ANPEP: variants seen among roughly 807,000 people sequenced by gnomAD.
ANPEP encodes alanyl aminopeptidase, membrane.
ANPEP carries 70 observed loss-of-function variants against 114.6 expected under a neutral mutation model. The ratio of observed to expected loss-of-function variants is 0.61; its 90% CI spans 0.50 to 0.75. The LOEUF (loss-of-function observed/expected upper bound fraction) is 0.75. ANPEP is among the 30% of genes least tolerant of loss of function. The pLI is 0.00. For missense variants in ANPEP, 1,184 were observed against 1,259.5 expected (o/e 0.94, Z 0.91); for synonymous variants, 548 against 522.3 (o/e 1.05, Z -0.67).
chr15:89,785,290 C>A lies in ANPEP; in HGVS notation c.*59G>T, dbSNP rs1968485096. On this transcript the variant is annotated 3_prime_UTR_variant, in exon 21 of 21. Coordinates refer to ENST00000300060, the MANE Select transcript of ANPEP (RefSeq NM_001150.3). ...AGGAATGGAGGCCCTGCACCAGCCG[C>A]TGGGATGGACACATGTGGGCACCTT... 1 of 1,602,682 alleles carries A rather than the reference C, an allele frequency of 6.2e-7. No individual in the cohort carries two copies. Among genetic ancestry groups the A allele is most frequent in the African/African-American group, 1.3e-5 (1 of 74,684 alleles).
intron 1 of ANPEP, among the ~76,000 whole-genome samples, chr15:89,812,757 G>A (rs576623480): frequency 1.3e-5 from 2 of 152,068 alleles, no homozygotes; most frequent in Non-Finnish European, 2.9e-5. Context: ...GCACAGAAAG[G>A]TTAAGTGATT....
chr15:89,806,667 G>C lies in ANPEP; in HGVS notation c.-84C>G. ...CAGGCCGGGCTTATATCCCCAAAGG[G>C]GAGGAGCCCCACAACAGGCAGACTG... On this transcript the variant is annotated 5_prime_UTR_variant, in exon 2 of 21. Coordinates refer to ENST00000300060, the MANE Select transcript of ANPEP (RefSeq NM_001150.3). The surrounding 1 kb of genome is among the most constrained non-coding windows in gnomAD (Gnocchi z 5.7). The C allele has an allele frequency of 1.4e-6, 2 of 1,455,746 alleles. No individual in the cohort carries two copies. The highest frequency in any genetic ancestry group is 1.5e-5 in the South Asian group (1 of 68,582). 90.2% of individuals were successfully genotyped at this position (1,455,746 alleles called of 1,614,324 possible).
At chr15:89,790,645 G>A in intron 19 of ANPEP, 104 bp from the exon 20 acceptor site, 1 of 1,068,440 alleles carries the variant, frequency 9.4e-7, no homozygotes, top group Non-Finnish European at 1.4e-6. Flanking sequence ...GAGATGAAAT[G>A]ACACGCCCTG....
At position 89,785,431 on chromosome 15, in the gene ANPEP, A is replaced by G; in HGVS notation, c.2822T>C (p.Leu941Pro). The change falls in exon 21 of 21, where the codon CTG becomes CCG. Residue 941 changes from leucine to proline, a missense_variant. Leu to Pro is a moderately conservative substitution (Grantham distance 98). Transcript: ENST00000300060. ...GSGTRALEQA[L>P]EKTKANIKWV... ...CTTGATGTTGGCTTTCGTCTTCTCC[A>G]GGGCTTGCTCCAGGGCCCGGGTGCC... 6.2e-7 allele frequency: 1 copy of G among 1,614,148 alleles called. No individual in the cohort carries two copies. Among genetic ancestry groups the G allele is most frequent in the Non-Finnish European group, 8.5e-7 (1 of 1,179,982 alleles).
chr15:89,811,728 G>A (rs1318616010), intron 1 of ANPEP, among the ~76,000 whole-genome samples: 1 of 151,796 alleles, frequency 6.6e-6, no homozygotes, highest in Non-Finnish European at 1.5e-5. Flanking sequence ...AGTTGCACCC[G>A]CTTTGGGAAC....
chr15:89,803,625 C>A lies in ANPEP; in HGVS notation c.1437+22G>T, dbSNP rs780923674. 49 of 1,605,740 alleles carry A rather than the reference C, an allele frequency of 3.1e-5. No individual in the cohort carries two copies. In the African/African-American group the frequency reaches 5.6e-4, roughly 18 times the overall value. On this transcript the variant is annotated intron_variant, in intron 8 of 20. Coordinates refer to ENST00000300060, the MANE Select transcript of ANPEP (RefSeq NM_001150.3). This position sits in a 1 kb window ranked among gnomAD's most constrained non-coding sequence, Gnocchi z 4.2. ...CCAAGTCCCCACCTCCTTCCCCGTGCCCCACGAGGAGCGGGCTGCACCTTG... is the reference window on the plus strand; with the variant it reads ...CCAAGTCCCCACCTCCTTCCCCGTGACCCACGAGGAGCGGGCTGCACCTTG...
At position 89,799,497 on chromosome 15, in the gene ANPEP, C is replaced by T. The variant is rs1178097724; in HGVS notation, c.1882G>A (p.Gly628Ser). The change falls in exon 13 of 21, where the codon GGC becomes AGC. Residue 628 changes from glycine (G) to serine (S), a missense_variant. By Grantham distance (56) the Gly-to-Ser change is moderately conservative. Transcript: ENST00000300060. This position sits in a 1 kb window ranked among gnomAD's most constrained non-coding sequence, Gnocchi z 4.2. ...EWVLLNLNVT[G>S]YYRVNYDEEN... ...TCGTCGTAGTTCACCCGGTAATAGC[C>T]CGTCACATTGAGGTTCAGCAGGACC... is the stretch of plus-strand genomic sequence containing the variant. 2.5e-6 allele frequency: 4 copies of T among 1,614,062 alleles called. No individual in the cohort carries two copies. The African/African-American group carries it at 5.3e-5, about 22-fold the overall frequency.
Position 89,799,421 on chromosome 15 carries a change from C to G in ANPEP, c.1953+5G>C. On this transcript the variant is annotated splice_donor_5th_base_variant and intron_variant, in intron 13 of 20. Coordinates refer to ENST00000300060, the MANE Select transcript of ANPEP (RefSeq NM_001150.3). The surrounding 1 kb of genome is among the most constrained non-coding windows in gnomAD (Gnocchi z 4.2). ...GGGGCAGGGCGAGGGGTGGCAGACA[C>G]TCACCGAGTGGTCTCTCTGCAGCTG... 1 of 1,614,168 alleles carries G rather than the reference C, an allele frequency of 6.2e-7. No homozygotes were observed. Among genetic ancestry groups the G allele is most frequent in the Non-Finnish European group, 8.5e-7 (1 of 1,180,022 alleles).
At chr15:89,812,375 CTG>C (rs1275981897) in intron 1 of ANPEP, among the ~76,000 whole-genome samples, 1 of 152,250 alleles carries the variant, frequency 6.6e-6, no homozygotes, top group Non-Finnish European at 1.5e-5. Context: ...AGGGCACACT[CTG>C]TCCCCGCAGG....
intron 1 of ANPEP, among the ~76,000 whole-genome samples, chr15:89,808,517 C>T (rs905368689): frequency 6.6e-6 from 1 of 152,198 alleles, no homozygotes; most frequent in Non-Finnish European, 1.5e-5. Context: ...CGCACATGCA[C>T]GAAGGATTGA....
chr15:89,806,136 T>C lies in ANPEP; in HGVS notation c.448A>G (p.Ile150Val), dbSNP rs1216902191. The C allele has an allele frequency of 6.2e-7, 1 of 1,614,084 alleles. No homozygotes were observed. ...RGVGGSQPPD[I>V]DKTELVEPTE... Reference sequence around the variant, plus strand: ...GGCTCCACCAGCTCAGTCTTGTCAATGTCGGGGGGCTGGGAGCCTCCCACA... The same window carrying C: ...GGCTCCACCAGCTCAGTCTTGTCAACGTCGGGGGGCTGGGAGCCTCCCACA... The change falls in exon 2 of 21, where the codon ATT becomes GTT. Residue 150 changes from isoleucine to valine, a missense_variant. Transcript: ENST00000300060. This position sits in a 1 kb window ranked among gnomAD's most constrained non-coding sequence, Gnocchi z 5.7.
At chr15:89,814,003 G>T (rs1596174797) in intron 1 of ANPEP, among the ~76,000 whole-genome samples, 1 of 149,298 alleles carries the variant, frequency 6.7e-6, no homozygotes, top group Non-Finnish European at 1.5e-5. Context: ...GGGGGGGGGG[G>T]TGCGTTCTGG....
intron 18 of ANPEP, 47 bp downstream of exon 18, chr15:89,792,113 C>G: frequency 6.3e-7 from 1 of 1,582,914 alleles, no homozygotes. Flanking sequence ...CCTGGTTCTC[C>G]AGGTGGGGAG....
At chr15:89,807,880 C>G (rs904053569) in intron 1 of ANPEP, among the ~76,000 whole-genome samples, 5 of 152,142 alleles carry the variant, frequency 3.3e-5, no homozygotes, top group African/African-American at 1.2e-4. Context: ...TCGACACCGC[C>G]TGACCTCACT....
chr15:89,806,336 T>A lies in ANPEP; in HGVS notation c.248A>T (p.Asp83Val), dbSNP rs781630796. 1 of 1,614,120 alleles carries A rather than the reference T, an allele frequency of 6.2e-7. No homozygotes were observed. The change falls in exon 2 of 21, where the codon GAT becomes GTT. Residue 83 changes from aspartate (D) to valine (V), a missense_variant. Physicochemically the swap from Asp to Val is radical, Grantham distance 152. Transcript: ENST00000300060. The surrounding 1 kb of genome is among the most constrained non-coding windows in gnomAD (Gnocchi z 5.7). ...CGGTCTCAGCGTCACCCGGTAGGAA[T>A]CGGGTTTCAGCGTGTTGGGGAGGCG... ...RYRLPNTLKP[D>V]SYRVTLRPYL...
Position 89,797,705 on chromosome 15 carries a change from A to T in ANPEP, c.2027T>A (p.Val676Asp). The change falls in exon 15 of 21, where the codon GTC becomes GAC. Residue 676 changes from valine to aspartate, a missense_variant. Transcript: ENST00000300060. ...FNLASAHKVPVTLALNNTLFL... is the reference protein window; with the variant it reads ...FNLASAHKVPDTLALNNTLFL... ...GAGGGTGTTGTTCAGCGCCAGAGTG[A>T]CAGGGACCTTATGGGCACTGGGAAT... The T allele has an allele frequency of 1.2e-6, 2 of 1,614,132 alleles. No individual in the cohort carries two copies. Among genetic ancestry groups the T allele is most frequent in the Non-Finnish European group, 1.7e-6 (2 of 1,180,018 alleles).
At chr15:89,813,575 C>G (rs867434886) in intron 1 of ANPEP, among the ~76,000 whole-genome samples, 1 of 152,106 alleles carries the variant, frequency 6.6e-6, no homozygotes, top group South Asian at 2.1e-4. Flanking sequence ...GCCTCATGGG[C>G]CCAGCACACC....
rs771343143 is a variant in ANPEP at position 89,803,743 on chromosome 15, A to G, written c.1341T>C (p.Asp447=). ...ACAGCGGGTGGGAGGAGGCCAGTGCATCCACTGCCATCACGCGGTACACAT... is the reference window on the plus strand; with the variant it reads ...ACAGCGGGTGGGAGGAGGCCAGTGCGTCCACTGCCATCACGCGGTACACAT... ...LNDVYRVMAV[D]ALASSHPLST... is the part of the protein sequence containing the mutation. The change falls in exon 8 of 21, where the codon GAT becomes GAC. Residue 447 remains aspartate, a synonymous_variant. Transcript: ENST00000300060. The surrounding 1 kb of genome is among the most constrained non-coding windows in gnomAD (Gnocchi z 4.2). 2.5e-6 allele frequency: 4 copies of G among 1,611,222 alleles called. No individual in the cohort carries two copies. The East Asian group carries it at 8.9e-5, about 36-fold the overall frequency.
chr15:89,804,153 C>G (rs188149224), intron 6 of ANPEP, 100 bp downstream of exon 6: 26 of 1,575,924 alleles, frequency 1.6e-5, no homozygotes, highest in Admixed American at 3.4e-5. Context: ...CAGGCGGCAC[C>G]CTCCTCCCTT....
Sources: gnomAD v4.1 joint callset for allele counts (sites outside exome capture counted in the v4.1 genomes callset) on GRCh38, gnomAD v4.1.1 for gene constraint, Gnocchi (gnomAD v3.1) non-coding constraint, MANE v1.5 for transcripts, NCBI Gene and HGNC (gene_info 2026-07-23, HGNC 2026-07-21) for gene names.